The following SCARA5 variants were observed in gnomAD, a reference collection of about 807,000 sequenced individuals.
SCARA5 encodes the protein scavenger receptor class A member 5.
In SCARA5, 45 loss-of-function variants were observed where a neutral mutation model predicts 46.3. The observed-to-expected ratio is 0.97, with a 90% CI of 0.76 to 1.24. The LOEUF is 1.24. SCARA5 is among the 50% of genes most tolerant of loss of function. The pLI is 0.00. For synonymous variants in SCARA5, 333 were observed against 306.5 expected (o/e 1.09, Z -0.90); for missense variants, 680 against 689.0 (o/e 0.99, Z 0.15).
At chr8:27,965,535 C>T (rs1384637189) in intron 3 of SCARA5, among the ~76,000 whole-genome samples, 1 of 32,770 alleles carries the variant, frequency 3.1e-5, no homozygotes, top group Non-Finnish European at 6.7e-5. Context: ...TGCATGACCC[C>T]CTCAGTTCCT....
chr8:27,881,518 C>T (rs1015480353), intron 7 of SCARA5, among the ~76,000 whole-genome samples: 1 of 102,260 alleles, frequency 9.8e-6, no homozygotes, highest in African/African-American at 4.0e-5. Flanking sequence ...GGTGGGAATA[C>T]AAGATGGGGG....
At chr8:27,885,185 T>G (rs1426227971) in intron 7 of SCARA5, among the ~76,000 whole-genome samples, 1 of 151,518 alleles carries the variant, frequency 6.6e-6, no homozygotes, top group African/African-American at 2.4e-5. Flanking sequence ...AGGAAGAGGG[T>G]GGGGAGTGAG....
At chr8:27,895,164 T>A (rs1332913861) in intron 7 of SCARA5, among the ~76,000 whole-genome samples, 1 of 152,090 alleles carries the variant, frequency 6.6e-6, no homozygotes, top group Non-Finnish European at 1.5e-5. Context: ...AATAAACACA[T>A]GGGGCTGGGA....
intron 3 of SCARA5, among the ~76,000 whole-genome samples, chr8:27,925,930 A>G (rs1395664568): frequency 6.6e-6 from 1 of 152,232 alleles, no homozygotes; most frequent in Non-Finnish European, 1.5e-5. Context: ...AATGGCAATC[A>G]TTAAAAAGTC....
intron 4 of SCARA5, among the ~76,000 whole-genome samples, chr8:27,917,789 G>C (rs541636287): frequency 5.3e-5 from 8 of 152,202 alleles, no homozygotes; most frequent in Non-Finnish European, 5.9e-5. Context: ...CTATTAGTTA[G>C]TTCCTGAACA....
rs542087109 is a variant in SCARA5, at chr8:27,902,974, C to A, written c.1153+1804G>T. ...GCCTGGGCATTTCCTTGTTTTTCTA[C>A]GGGCAAGTCCATCACTTTCAAGGAC... On this transcript the variant is annotated intron_variant, in intron 7 of 8. Transcript: ENST00000354914. Among the ~76,000 whole-genome samples the A allele has an allele frequency of 2.0e-5, 3 of 152,238 alleles. No individual in the cohort carries two copies. The South Asian group carries it at 6.2e-4, about 32-fold the overall frequency.
chr8:27,885,990 T>C (rs1297402637), intron 7 of SCARA5: 1 of 154,804 alleles, frequency 6.5e-6, no homozygotes, highest in African/African-American at 2.4e-5. Context: ...AGGATGTCTC[T>C]GGCCCATGGC....
chr8:27,978,900 T>C (rs1001866), intron 2 of SCARA5, among the ~76,000 whole-genome samples: 82,771 of 151,742 alleles, frequency 0.55, 23,180 homozygotes, highest in Middle Eastern at 0.67. Flanking sequence ...TCCACCCTCT[T>C]ACACCCTCCT....
Position 27,966,463 on chromosome 8 carries a change from C to T in SCARA5, c.192G>A (p.Gly64=). 7 of 1,613,840 alleles carry T rather than the reference C, an allele frequency of 4.3e-6. No individual in the cohort carries two copies. Among genetic ancestry groups the T allele is most frequent in the Non-Finnish European group, 5.1e-6 (6 of 1,179,902 alleles). Residue 64 remains glycine, a synonymous_variant, in exon 3 of 9, where the codon GGG becomes GGA. Transcript: ENST00000354914. ...SLSALKHAVL[G]LYLLVFLILV... ...GAATCAGGAAGACCAGCAGGTAGAGCCCCAGGACAGCATGCTTCAGGGCCG... is the reference window on the plus strand; with the variant it reads ...GAATCAGGAAGACCAGCAGGTAGAGTCCCAGGACAGCATGCTTCAGGGCCG...
chr8:27,904,842 A>G lies in SCARA5; in HGVS notation c.1097-8T>C. 1.2e-6 allele frequency: 2 copies of G among 1,600,700 alleles called. No homozygotes were observed. The highest frequency in any genetic ancestry group is 1.7e-6 in the Non-Finnish European group (2 of 1,172,074). On this transcript the variant is annotated splice_region_variant and splice_polypyrimidine_tract_variant and intron_variant, in intron 6 of 8. Coordinates refer to ENST00000354914, the MANE Select transcript of SCARA5 (RefSeq NM_173833.6). ...CTTTTGGGCCTCGGTCACCTAAAAC[A>G]GAGGAGGAAACTGGCATTAGAAATG...
At chr8:27,896,094 A>G (rs1485835559) in intron 7 of SCARA5, among the ~76,000 whole-genome samples, 1 of 152,064 alleles carries the variant, frequency 6.6e-6, no homozygotes, top group Non-Finnish European at 1.5e-5. Flanking sequence ...AAGCTCCTGA[A>G]CCTCTCAGAG....
intron 4 of SCARA5, among the ~76,000 whole-genome samples, chr8:27,918,463 G>A (rs1016395077): frequency 3.0e-4 from 3 of 9,846 alleles, no homozygotes; most frequent in Non-Finnish European, 5.6e-4. Context: ...AGAAAGGTTG[G>A]GGGGGGTTCA....
chr8:27,921,380 G>A (rs955584542), intron 4 of SCARA5, among the ~76,000 whole-genome samples, 191 bp downstream of exon 4: 2 of 152,056 alleles, frequency 1.3e-5, no homozygotes, highest in Non-Finnish European at 2.9e-5. Context: ...CTGGATGTGG[G>A]TACATGCCAT....
intron 3 of SCARA5, among the ~76,000 whole-genome samples, chr8:27,936,280 T>A (rs1239193488): frequency 6.6e-6 from 1 of 151,980 alleles, no homozygotes; most frequent in African/African-American, 2.4e-5. Flanking sequence ...CCTGGTCACT[T>A]CAGAGACCAG....
intron 3 of SCARA5, among the ~76,000 whole-genome samples, chr8:27,939,477 G>A (rs538704966): frequency 6.6e-6 from 1 of 152,284 alleles, no homozygotes; most frequent in South Asian, 2.1e-4. Context: ...TGCTCTTCCA[G>A]GCCACAGATG....
At chr8:27,985,975 G>A (rs576274230) in intron 2 of SCARA5, among the ~76,000 whole-genome samples, 1 of 152,340 alleles carries the variant, frequency 6.6e-6, no homozygotes, top group East Asian at 1.9e-4. Context: ...ACTAGGAAGT[G>A]GGTATGGTGG....
At chr8:27,963,931 G>C (rs1808326776) in intron 3 of SCARA5, among the ~76,000 whole-genome samples, 1 of 152,126 alleles carries the variant, frequency 6.6e-6, no homozygotes, top group Non-Finnish European at 1.5e-5. Context: ...GGTTTAAATG[G>C]ATCTCCTGTG....
chr8:27,929,726 G>A (rs115201690), intron 3 of SCARA5, among the ~76,000 whole-genome samples: 2,270 of 152,248 alleles, frequency 0.015, 24 homozygotes, highest in African/African-American at 0.026. Context: ...CCAAGCAGGC[G>A]GAGCAGGAAA....
At chr8:27,983,868 C>G (rs757833566) in intron 2 of SCARA5, among the ~76,000 whole-genome samples, 1 of 151,998 alleles carries the variant, frequency 6.6e-6, no homozygotes, top group Non-Finnish European at 1.5e-5. Context: ...ACTTTGCCTC[C>G]CCTGATCCCA....
Sources: gnomAD v4.1 joint callset for allele counts (sites outside exome capture counted in the v4.1 genomes callset) on GRCh38, gnomAD v4.1.1 for gene constraint, MANE v1.5 for transcripts, NCBI Gene and HGNC (gene_info 2026-07-23, HGNC 2026-07-21) for gene names.